Variants in AKAP6 observed in about 807,000 individuals in gnomAD.
The protein encoded by AKAP6 is A-kinase anchoring protein 6, also known as A-kinase anchor protein 6.
AKAP6 carries 58 observed loss-of-function variants against 188.5 expected under a neutral mutation model. The ratio of observed to expected loss-of-function variants is 0.31; its 90% CI spans 0.25 to 0.38. AKAP6 has a LOEUF of 0.38. AKAP6 is among the 10% of genes least tolerant of loss of function. AKAP6 has a pLI of 1.00. For missense variants in AKAP6, 2,710 were observed against 2,740.0 expected (o/e 0.99, Z 0.24); for synonymous variants, 989 against 998.6 (o/e 0.99, Z 0.18).
chr14:32,411,243 T>C (rs1000594170), intron 1 of AKAP6, among the ~76,000 whole-genome samples: 5 of 152,088 alleles, frequency 3.3e-5, no homozygotes, highest in African/African-American at 1.2e-4. Flanking sequence ...ATGTCGAAAG[T>C]GCCAAGATTG....
At chr14:32,787,481 G>A (rs2140040820) in intron 12 of AKAP6, among the ~76,000 whole-genome samples, 1 of 151,838 alleles carries the variant, frequency 6.6e-6, no homozygotes, top group African/African-American at 2.4e-5. Context: ...TATTTATCTG[G>A]GTTTGGTTGC....
At chr14:32,571,627 T>A (rs1040379820) in intron 4 of AKAP6, among the ~76,000 whole-genome samples, 4 of 152,230 alleles carry the variant, frequency 2.6e-5, no homozygotes, top group African/African-American at 7.2e-5. Context: ...GCTAACTCGA[T>A]CTAGACTGAG....
chr14:32,401,252 C>T (rs977810916), intron 1 of AKAP6, among the ~76,000 whole-genome samples: 7 of 151,862 alleles, frequency 4.6e-5, no homozygotes, highest in Admixed American at 4.6e-4. Context: ...TGAGATATTC[C>T]ATAAATAGAA....
At chr14:32,718,818 A>G (rs1052522283) in intron 9 of AKAP6, among the ~76,000 whole-genome samples, 1 of 152,196 alleles carries the variant, frequency 6.6e-6, no homozygotes, top group Non-Finnish European at 1.5e-5. Context: ...ACAGCTCTCT[A>G]TATCTGCCTG....
At chr14:32,590,513 A>G (rs1205204921) in intron 5 of AKAP6, among the ~76,000 whole-genome samples, 1 of 152,170 alleles carries the variant, frequency 6.6e-6, no homozygotes, top group African/African-American at 2.4e-5. Context: ...AACATTTATA[A>G]AAGCAGTGTT....
intron 2 of AKAP6, among the ~76,000 whole-genome samples, chr14:32,473,452 A>G (rs1878887051): frequency 6.6e-6 from 1 of 152,224 alleles, no homozygotes; most frequent in Admixed American, 6.5e-5. Context: ...CTGTTTTTCA[A>G]ATTAGAAAAG....
intron 7 of AKAP6, among the ~76,000 whole-genome samples, chr14:32,663,631 G>T (rs1269122653): frequency 1.3e-5 from 2 of 152,122 alleles, no homozygotes; most frequent in African/African-American, 2.4e-5. Flanking sequence ...CGTGTCCAAG[G>T]TGGGAAGGAG....
intron 2 of AKAP6, among the ~76,000 whole-genome samples, chr14:32,502,596 A>G (rs1403157841): frequency 1.3e-5 from 2 of 151,916 alleles, no homozygotes; most frequent in Admixed American, 6.6e-5. Flanking sequence ...TTGTAACCCA[A>G]CTTTGTAGGT....
intron 7 of AKAP6, among the ~76,000 whole-genome samples, chr14:32,614,518 G>C (rs1020601529): frequency 7.2e-5 from 11 of 152,192 alleles, no homozygotes; most frequent in African/African-American, 2.4e-4. Flanking sequence ...AGGAAGTACA[G>C]ATATACTTCT....
chr14:32,345,719 C>T (rs1429093611), intron 1 of AKAP6, among the ~76,000 whole-genome samples: 3 of 152,194 alleles, frequency 2.0e-5, no homozygotes, highest in Non-Finnish European at 2.9e-5. Context: ...CAGCCATTCC[C>T]TGGACTCTGG....
chr14:32,329,601 T>C (rs908066243), intron 1 of AKAP6, among the ~76,000 whole-genome samples, 193 bp downstream of exon 1: 5 of 152,132 alleles, frequency 3.3e-5, no homozygotes, highest in African/African-American at 1.2e-4. Context: ...AATTAAAATA[T>C]GTAGAATTAT....
At chr14:32,687,083 A>G (rs1048433643) in intron 8 of AKAP6, among the ~76,000 whole-genome samples, 1 of 152,214 alleles carries the variant, frequency 6.6e-6, no homozygotes, top group African/African-American at 2.4e-5. Context: ...ATTATAGGCT[A>G]AAAGTTTGGC....
chr14:32,492,027 A>G (rs1327400143), intron 2 of AKAP6, among the ~76,000 whole-genome samples: 1 of 152,036 alleles, frequency 6.6e-6, no homozygotes, highest in Non-Finnish European at 1.5e-5. Flanking sequence ...TTATCTTATT[A>G]TCCAGTTACA....
chr14:32,797,140 A>C (rs1208844275), intron 12 of AKAP6, among the ~76,000 whole-genome samples: 3 of 152,234 alleles, frequency 2.0e-5, no homozygotes, highest in Non-Finnish European at 4.4e-5. Flanking sequence ...GATGCTGGCA[A>C]GGTTGCAGAG....
At chr14:32,806,969 G>A (rs536295914) in intron 12 of AKAP6, among the ~76,000 whole-genome samples, 6 of 151,924 alleles carry the variant, frequency 3.9e-5, no homozygotes, top group East Asian at 3.9e-4. Flanking sequence ...TGGGAGACTC[G>A]TTTGAACCTA....
intron 7 of AKAP6, among the ~76,000 whole-genome samples, chr14:32,629,895 G>A (rs1040460463): frequency 6.6e-6 from 1 of 151,930 alleles, no homozygotes. Context: ...GCAAGACCCT[G>A]TCTCTACAGA....
chr14:32,428,447 A>G (rs997760861), intron 1 of AKAP6, among the ~76,000 whole-genome samples: 3 of 152,086 alleles, frequency 2.0e-5, no homozygotes, highest in Non-Finnish European at 4.4e-5. Flanking sequence ...GTGTCCTGCC[A>G]GCATGGTGCA....
chr14:32,661,412 G>C (rs976658939), intron 7 of AKAP6, among the ~76,000 whole-genome samples: 1 of 152,044 alleles, frequency 6.6e-6, no homozygotes, highest in Non-Finnish European at 1.5e-5. Flanking sequence ...AGCTATAACA[G>C]GGCACGGTAA....
At position 32,433,820 on chromosome 14, in the gene AKAP6, A is replaced by G. The variant is rs754557217; in HGVS notation, c.324+3A>G. The G allele has an allele frequency of 3.1e-6, 5 of 1,611,056 alleles. No homozygotes were observed. The highest frequency in any genetic ancestry group is 4.2e-6 in the Non-Finnish European group (5 of 1,179,046). The stretch of plus-strand genomic sequence containing the variant: ...ATGTACATCTAGTTCAACTAAAGGT[A>G]AGGCAAGGTCTGTGATCCTCTCAGG... On this transcript the variant is annotated splice_donor_region_variant and intron_variant, in intron 2 of 13. Transcript: ENST00000280979.
Sources: allele counts gnomAD v4.1 joint callset (sites outside exome capture counted in the v4.1 genomes callset), GRCh38; gene constraint gnomAD v4.1.1; transcripts MANE v1.5; gene names NCBI Gene and HGNC (gene_info 2026-07-23, HGNC 2026-07-21).